TTLL1: variants seen among roughly 807,000 people sequenced by gnomAD.
TTLL1 encodes polyglutamylase complex subunit TTLL1.
In TTLL1, 33 loss-of-function variants were observed where a neutral mutation model predicts 47.8. The observed-to-expected ratio is 0.69, with a 90% CI of 0.52 to 0.92. TTLL1 has a LOEUF of 0.92. Ranked by LOEUF, TTLL1 falls within the 40% of genes least tolerant of loss-of-function variation. TTLL1 has a pLI of 0.00. For synonymous variants in TTLL1, 225 were observed against 214.1 expected, an observed-to-expected ratio of 1.05 and a Z score of -0.45; for missense variants, 488 against 547.5, an observed-to-expected ratio of 0.89 and a Z score of 1.08.
chr22:43,084,663 G>T (rs552728400), intron 1 of TTLL1, among the ~76,000 whole-genome samples: 1 of 151,902 alleles, frequency 6.6e-6, no homozygotes, highest in Non-Finnish European at 1.5e-5. Flanking sequence ...CACCACGCCC[G>T]GATAATTTTT....
rs371253934 is a variant in TTLL1 at position 43,063,848 on chromosome 22, C to T, written c.712G>A (p.Val238Ile). The T allele has an allele frequency of 8.6e-5, 138 of 1,614,032 alleles. No homozygotes were observed. Among genetic ancestry groups the T allele is most frequent in the Middle Eastern group, 4.9e-4 (3 of 6,062 alleles). ...PSTSELDNMFVHLTNVAIQKH... is the reference protein window; with the variant it reads ...PSTSELDNMFIHLTNVAIQKH... Reference sequence around the variant, plus strand: ...TGGATGGCGACGTTGGTGAGATGAACGAACATGTTGTCCAGCTCACTGGTA... The same window carrying T: ...TGGATGGCGACGTTGGTGAGATGAATGAACATGTTGTCCAGCTCACTGGTA... The change falls in exon 7 of 11, where the codon GTT becomes ATT. Residue 238 changes from valine (V) to isoleucine (I), a missense_variant. Transcript: ENST00000266254.
At chr22:43,048,105 C>G (rs1402107848) in intron 9 of TTLL1, among the ~76,000 whole-genome samples, 1 of 151,960 alleles carries the variant, frequency 6.6e-6, no homozygotes, top group African/African-American at 2.4e-5. Context: ...ATCACAAGGT[C>G]AAGAGTTCGA....
intron 1 of TTLL1, among the ~76,000 whole-genome samples, chr22:43,081,900 A>G (rs1601706413): frequency 1.7e-5 from 2 of 119,618 alleles, no homozygotes; most frequent in South Asian, 6.0e-4. Flanking sequence ...CTCAGGCTGG[A>G]GTGCAGTGGC....
At chr22:43,049,421 A>T (rs575622124) in intron 9 of TTLL1, among the ~76,000 whole-genome samples, 1 of 151,694 alleles carries the variant, frequency 6.6e-6, no homozygotes, top group African/African-American at 2.4e-5. Context: ...TACTCGGGAG[A>T]CTGAGGCAGG....
intron 8 of TTLL1, among the ~76,000 whole-genome samples, chr22:43,055,987 C>G (rs1429352529): frequency 9.9e-5 from 15 of 152,046 alleles, no homozygotes; most frequent in Non-Finnish European, 1.0e-4. Flanking sequence ...TCAAGCTATC[C>G]TCCTGCCTCT....
intron 1 of TTLL1, among the ~76,000 whole-genome samples, chr22:43,088,595 G>A (rs1465896657): frequency 6.6e-6 from 1 of 151,086 alleles, no homozygotes; most frequent in Non-Finnish European, 1.5e-5. Flanking sequence ...CTCCCGCCTC[G>A]GCCTCCCAAA....
intron 10 of TTLL1, among the ~76,000 whole-genome samples, chr22:43,041,532 C>CTTTTTTTTTTT (rs112180579): frequency 7.1e-6 from 1 of 140,286 alleles, no homozygotes; most frequent in East Asian, 2.1e-4. Context: ...TTTCTGATTC[C>CTTTTTTTTTTT]TTTTTTTTTT....
intron 7 of TTLL1, among the ~76,000 whole-genome samples, chr22:43,063,301 G>A (rs1046425799): frequency 4.6e-5 from 7 of 152,114 alleles, no homozygotes; most frequent in African/African-American, 1.4e-4. Context: ...CCCCCACCCA[G>A]CCACGGCATT....
chr22:43,068,086 T>C (rs1342087402), intron 5 of TTLL1, among the ~76,000 whole-genome samples: 1 of 148,490 alleles, frequency 6.7e-6, no homozygotes, highest in African/African-American at 2.5e-5. Context: ...AGGGCTGAGA[T>C]TACAGGCATG....
At chr22:43,081,751 G>A (rs376699009) in intron 1 of TTLL1, among the ~76,000 whole-genome samples, 1 of 150,632 alleles carries the variant, frequency 6.6e-6, no homozygotes, top group Non-Finnish European at 1.5e-5. Context: ...GTTTCACCAT[G>A]TTGGCCAGGT....
At chr22:43,072,488 T>C (rs994081473) in intron 3 of TTLL1, among the ~76,000 whole-genome samples, 1 of 151,888 alleles carries the variant, frequency 6.6e-6, no homozygotes, top group Non-Finnish European at 1.5e-5. Flanking sequence ...TTCTTTCTTT[T>C]AGAGACAAGG....
At chr22:43,050,513 G>GT (rs71186562) in intron 9 of TTLL1, among the ~76,000 whole-genome samples, 243 of 143,948 alleles carry the variant, frequency 1.7e-3, no homozygotes, top group Middle Eastern at 7.4e-3. Flanking sequence ...GTTTTTTTTT[G>GT]TTTTTTTTTT....
chr22:43,082,835 G>A (rs562655090), intron 1 of TTLL1, among the ~76,000 whole-genome samples: 7 of 151,480 alleles, frequency 4.6e-5, no homozygotes, highest in East Asian at 3.9e-4. Context: ...CCAACATGGC[G>A]AAACCCCGTC....
At chr22:43,057,943 T>C (rs972432351) in intron 8 of TTLL1, among the ~76,000 whole-genome samples, 2 of 117,434 alleles carry the variant, frequency 1.7e-5, no homozygotes, top group African/African-American at 3.9e-5. Flanking sequence ...GAAATATATA[T>C]ATATATATAT....
At chr22:43,065,589 A>G (rs2146977098) in intron 5 of TTLL1, among the ~76,000 whole-genome samples, 1 of 151,748 alleles carries the variant, frequency 6.6e-6, no homozygotes, top group South Asian at 2.1e-4. Flanking sequence ...ACACATGGCC[A>G]AATTTTTTTT....
chr22:43,056,958 A>G (rs1466485896), intron 8 of TTLL1, among the ~76,000 whole-genome samples: 1 of 152,016 alleles, frequency 6.6e-6, no homozygotes, highest in Non-Finnish European at 1.5e-5. Flanking sequence ...ACGCCCGGCT[A>G]ATTTATTTTT....
chr22:43,072,302 C>T (rs905867024), intron 3 of TTLL1, among the ~76,000 whole-genome samples: 2 of 151,820 alleles, frequency 1.3e-5, no homozygotes, highest in Non-Finnish European at 2.9e-5. Flanking sequence ...TACCGGCACT[C>T]GCCACCACGC....
chr22:43,064,365 T>C (rs761870532), intron 5 of TTLL1, 41 bp from the exon 6 acceptor site: 4 of 1,590,922 alleles, frequency 2.5e-6, no homozygotes, highest in South Asian at 2.3e-5. Context: ...TGGTAAAAGA[T>C]GCAATAACGA....
At chr22:43,074,467 A>AT (rs1928352496) in intron 3 of TTLL1, among the ~76,000 whole-genome samples, 1 of 151,764 alleles carries the variant, frequency 6.6e-6, no homozygotes, top group African/African-American at 2.4e-5. Context: ...AAGAAAAAAA[A>AT]ATATATGTAT....
Sources: allele counts gnomAD v4.1 joint callset (sites outside exome capture counted in the v4.1 genomes callset), GRCh38; gene constraint gnomAD v4.1.1; transcripts MANE v1.5; gene names NCBI Gene and HGNC (gene_info 2026-07-23, HGNC 2026-07-21).